The following ARHGAP42 variants were observed in gnomAD, a reference collection of about 807,000 sequenced individuals.
The protein encoded by ARHGAP42 is Rho GTPase activating protein 42.
A neutral mutation model predicts 125.0 loss-of-function variants in ARHGAP42; 63 were observed. The observed-to-expected ratio is 0.50, with a 90% CI of 0.41 to 0.62. ARHGAP42 has a LOEUF of 0.62. Among genes scored for constraint, ARHGAP42 ranks in the 20% least tolerant of loss-of-function variants. The probability of loss-of-function intolerance (pLI) is 0.00; values close to 1 mark genes in which losing one functional copy is unlikely to be tolerated. For missense variants in ARHGAP42, 766 were observed against 1,024.2 expected (o/e 0.75, Z 3.44); for synonymous variants, 339 against 351.0 (o/e 0.97, Z 0.38).
intron 16 of ARHGAP42, among the ~76,000 whole-genome samples, chr11:100,965,109 C>G (rs1858056354): frequency 6.6e-6 from 1 of 152,098 alleles, no homozygotes; most frequent in South Asian, 2.1e-4. Context: ...ATAAAACCAT[C>G]AGATCTTGTG....
intron 9 of ARHGAP42, among the ~76,000 whole-genome samples, chr11:100,943,331 A>G (rs1020839620): frequency 6.6e-6 from 1 of 151,994 alleles, no homozygotes; most frequent in African/African-American, 2.4e-5. Flanking sequence ...AGACACACAT[A>G]TGATACTAAT....
chr11:100,809,314 A>T (rs1397486130), intron 3 of ARHGAP42, among the ~76,000 whole-genome samples: 4 of 152,222 alleles, frequency 2.6e-5, no homozygotes, highest in African/African-American at 9.6e-5. Flanking sequence ...TCACTTAAAG[A>T]CGCTTGACCA....
At chr11:100,895,493 C>CTTTT (rs55789058) in intron 4 of ARHGAP42, among the ~76,000 whole-genome samples, 56 of 123,456 alleles carry the variant, frequency 4.5e-4, no homozygotes, top group Admixed American at 9.7e-4. Flanking sequence ...AAAAGAGCAA[C>CTTTT]TTTTTTTTTT....
At chr11:100,944,197 C>T (rs1238355665) in intron 10 of ARHGAP42, among the ~76,000 whole-genome samples, 1 of 151,964 alleles carries the variant, frequency 6.6e-6, no homozygotes, top group Admixed American at 6.6e-5. Flanking sequence ...CCAGGATCAG[C>T]CTTTTGGTGG....
chr11:100,791,030 A>G (rs1329561291), intron 2 of ARHGAP42, among the ~76,000 whole-genome samples: 1 of 152,216 alleles, frequency 6.6e-6, no homozygotes, highest in Non-Finnish European at 1.5e-5. Flanking sequence ...CACAAACTCA[A>G]TAACTATTCT....
chr11:100,798,132 A>T (rs1238330844), intron 3 of ARHGAP42, among the ~76,000 whole-genome samples: 2 of 152,140 alleles, frequency 1.3e-5, no homozygotes, highest in East Asian at 3.9e-4. Context: ...AGCAAAATAC[A>T]TGGTTTCTTG....
chr11:100,770,566 G>C (rs115204188), intron 2 of ARHGAP42, 128 bp downstream of exon 2: 2 of 721,160 alleles, frequency 2.8e-6, no homozygotes, highest in Non-Finnish European at 4.1e-6. Flanking sequence ...AGTGATTTTA[G>C]GTTTCTATGG....
intron 3 of ARHGAP42, among the ~76,000 whole-genome samples, chr11:100,846,412 T>C (rs654257): frequency 0.067 from 10,272 of 152,210 alleles, 1,196 homozygotes; most frequent in African/African-American, 0.23. Context: ...TTTGTAGGAA[T>C]GTAAAGTCTG....
At chr11:100,768,528 G>A (rs983255413) in intron 1 of ARHGAP42, among the ~76,000 whole-genome samples, 1 of 151,960 alleles carries the variant, frequency 6.6e-6, no homozygotes, top group Non-Finnish European at 1.5e-5. Flanking sequence ...CAAGGAGGGA[G>A]AATTTATCAG....
intron 12 of ARHGAP42, among the ~76,000 whole-genome samples, chr11:100,953,973 C>G (rs970221336): frequency 2.7e-4 from 2 of 7,474 alleles, no homozygotes; most frequent in African/African-American, 1.1e-3. Context: ...CATATGTTTT[C>G]TGTAGTTCTG....
chr11:100,791,690 A>G (rs1863571679), intron 2 of ARHGAP42, among the ~76,000 whole-genome samples: 1 of 152,096 alleles, frequency 6.6e-6, no homozygotes, highest in Admixed American at 6.6e-5. Context: ...AATCAACAAA[A>G]AAAAAAAGAG....
chr11:100,943,781 C>T lies in ARHGAP42; in HGVS notation c.956C>T (p.Pro319Leu), dbSNP rs183993732. The part of the protein sequence containing the change: ...GKMNGLVTSS[P>L]EMFKLKSCIR... The stretch of plus-strand genomic sequence containing the variant: ...CAGAATGGCCTTGTTACTAGCTCAC[C>T]GGAAATGTTTAAATTAAAATCTTGT... The change falls in exon 10 of 24, where the codon CCG (proline) becomes CTG (leucine). Residue 319 changes from proline to leucine, a missense_variant. Transcript: ENST00000298815. The T allele has an allele frequency of 9.0e-6, 14 of 1,549,222 alleles. No individual in the cohort carries two copies. Among genetic ancestry groups the T allele is most frequent in the African/African-American group, 4.1e-5 (3 of 72,996 alleles).
chr11:100,780,300 TTATC>T (rs1209899900), intron 2 of ARHGAP42, among the ~76,000 whole-genome samples: 1 of 152,200 alleles, frequency 6.6e-6, no homozygotes, highest in Non-Finnish European at 1.5e-5. Flanking sequence ...AGGAGAACTT[TTATC>T]TATGGTTAGT....
intron 1 of ARHGAP42, among the ~76,000 whole-genome samples, chr11:100,743,006 G>C (rs1436055944): frequency 6.6e-6 from 1 of 152,136 alleles, no homozygotes; most frequent in Non-Finnish European, 1.5e-5. Flanking sequence ...TTTTTGGTGT[G>C]TGATTTATAT....
rs548987380 is a variant in ARHGAP42 at position 100,768,368 on chromosome 11, T to C, written c.155-1975T>C. Among the ~76,000 whole-genome samples, 15 of 152,182 alleles carry C rather than the reference T, an allele frequency of 9.9e-5. No homozygotes were observed. The East Asian group carries it at 2.9e-3, about 29-fold the overall frequency. On this transcript the variant is annotated intron_variant, in intron 1 of 23. Coordinates refer to ENST00000298815, the MANE Select transcript of ARHGAP42 (RefSeq NM_152432.4). ...CTGAAGAAAGGTGGGGGATGAGGAA[T>C]TTGAACAGATATTGAGGGTAGGGGA... is the stretch of plus-strand genomic sequence containing the variant.
Position 100,874,717 on chromosome 11 carries a change from A to G in ARHGAP42, c.384+15092A>G, listed in dbSNP as rs568365900. 2.6e-5 allele frequency among the ~76,000 whole-genome samples: 4 copies of G among 152,236 alleles called. No individual in the cohort carries two copies. The South Asian group carries it at 8.3e-4, about 32-fold the overall frequency. ...ATTGTAATGTGTTTATTTTTGTGCC[A>G]GATTAGTTCTCCAGTCTACCGTATC... On this transcript the variant is annotated intron_variant, in intron 4 of 23. Coordinates refer to ENST00000298815, the MANE Select transcript of ARHGAP42 (RefSeq NM_152432.4).
In ARHGAP42 at chr11:100,777,307, G is replaced by A. The variant is rs1412225412; in HGVS notation, c.250+6869G>A. Among the ~76,000 whole-genome samples, 5 of 152,216 alleles carry A rather than the reference G, an allele frequency of 3.3e-5. No homozygotes were observed. The East Asian group carries it at 9.6e-4, about 29-fold the overall frequency. On this transcript the variant is annotated intron_variant, in intron 2 of 23. Coordinates refer to ENST00000298815, the MANE Select transcript of ARHGAP42 (RefSeq NM_152432.4). ...TTTGATTACCTCTCTGAGGCTGGGT[G>A]TGCATCAGTGGGTTACTGTGGTGAG...
intron 2 of ARHGAP42, among the ~76,000 whole-genome samples, chr11:100,792,097 C>T (rs1364943061): frequency 6.6e-6 from 1 of 152,082 alleles, no homozygotes; most frequent in East Asian, 1.9e-4. Flanking sequence ...TGAAATACAC[C>T]CTGAGGCTGT....
chr11:100,908,994 AT>A lies in ARHGAP42; in HGVS notation c.385-4451del, dbSNP rs1356822711. 3.3e-5 allele frequency among the ~76,000 whole-genome samples: 5 copies of A among 152,044 alleles called. No individual in the cohort carries two copies. In the East Asian group the frequency reaches 9.7e-4, roughly 29 times the overall value. On this transcript the variant is annotated intron_variant, in intron 4 of 23. Transcript: ENST00000298815. The stretch of plus-strand genomic sequence containing the variant: ...TCTCTGATGATTAGAGACATTGAGC[AT>A]TTTTTTGTATGTTTGTTAGCTGCTT...
Sources: allele counts gnomAD v4.1 joint callset (sites outside exome capture counted in the v4.1 genomes callset), GRCh38; gene constraint gnomAD v4.1.1; transcripts MANE v1.5; gene names NCBI Gene and HGNC (gene_info 2026-07-23, HGNC 2026-07-21).